TBC1D19: variants seen among roughly 807,000 people sequenced by gnomAD.
TBC1D19 encodes TBC1 domain family member 19, also known as TBC1 domain family, member 19.
In TBC1D19, 60 loss-of-function variants were observed where a neutral mutation model predicts 89.0. The observed-to-expected ratio is 0.67, with a 90% CI of 0.55 to 0.84. TBC1D19 has a LOEUF of 0.84. Ranked by LOEUF, TBC1D19 falls within the 40% of genes least tolerant of loss-of-function variation. TBC1D19 has a pLI of 0.00. For missense variants in TBC1D19, 500 were observed against 610.8 expected, an observed-to-expected ratio of 0.82 and a Z score of 1.91; for synonymous variants, 189 against 199.7, an observed-to-expected ratio of 0.95 and a Z score of 0.45.
chr4:26,719,137 A>C (rs980614947), intron 14 of TBC1D19, among the ~76,000 whole-genome samples: 1 of 152,122 alleles, frequency 6.6e-6, no homozygotes, highest in African/African-American at 2.4e-5. Context: ...TTCATGGTTT[A>C]GTCTGGACTA....
chr4:26,807,625 C>T, the TBC1D19 span, among the ~76,000 whole-genome samples: 1 of 152,298 alleles, frequency 6.6e-6, no homozygotes, highest in Non-Finnish European at 1.5e-5. Context: ...TTGGCGAGTT[C>T]ATCTCTCCCA....
At chr4:26,751,295 T>C (rs1293342631) in intron 19 of TBC1D19, among the ~76,000 whole-genome samples, 1 of 152,184 alleles carries the variant, frequency 6.6e-6, no homozygotes, top group Non-Finnish European at 1.5e-5. Context: ...GGAGAAACAG[T>C]TTCCCACTGT....
At chr4:26,713,352 G>C (rs1469702151) in intron 13 of TBC1D19, among the ~76,000 whole-genome samples, 2 of 151,756 alleles carry the variant, frequency 1.3e-5, no homozygotes, top group African/African-American at 2.4e-5. Context: ...TTATACACTA[G>C]AAATCAAGTA....
chr4:26,746,042 A>G (rs1718628315), intron 18 of TBC1D19, among the ~76,000 whole-genome samples: 1 of 152,100 alleles, frequency 6.6e-6, no homozygotes, highest in Non-Finnish European at 1.5e-5. Context: ...TGAATTTATA[A>G]GTTTATGTCT....
chr4:26,780,889 A>T, the TBC1D19 span, among the ~76,000 whole-genome samples: 1 of 152,252 alleles, frequency 6.6e-6, no homozygotes, highest in Non-Finnish European at 1.5e-5. Context: ...GAAGTTCCTG[A>T]TGTGTGGAGA....
chr4:26,837,328 T>C, the TBC1D19 span, among the ~76,000 whole-genome samples: 2 of 151,998 alleles, frequency 1.3e-5, no homozygotes, highest in Non-Finnish European at 2.9e-5. Flanking sequence ...GTGAGTGTGA[T>C]GAGTTGGAAA....
the TBC1D19 span, among the ~76,000 whole-genome samples, chr4:26,811,649 T>C: frequency 2.0e-5 from 3 of 152,234 alleles, no homozygotes; most frequent in African/African-American, 7.2e-5. Flanking sequence ...GGCTACTCCA[T>C]AGGCAGAGCA....
intron 14 of TBC1D19, among the ~76,000 whole-genome samples, chr4:26,718,422 C>T (rs1343235972): frequency 2.0e-5 from 3 of 151,984 alleles, no homozygotes; most frequent in African/African-American, 7.2e-5. Context: ...TTTTAGCTCT[C>T]CAATGTCTAG....
Position 26,673,844 on chromosome 4 carries a change from G to C in TBC1D19, c.772G>C (p.Ala258Pro). ...ACAAGGAAGTCCCACGGCACTGAGA[G>C]CTGAATTGTGGGCTCTCATTTTGAA... ...IRQGSPTALR[A>P]ELWALILNIS... The change falls in exon 11 of 21, where the codon GCT becomes CCT. Residue 258 changes from alanine to proline, a missense_variant. By Grantham distance (27) the Ala-to-Pro change is conservative. This residue lies in a region of TBC1D19 where 220 missense variants were observed against 319.1 expected (regional missense o/e 0.69). Transcript: ENST00000264866. 1.2e-6 allele frequency: 2 copies of C among 1,609,486 alleles called. No individual in the cohort carries two copies. Among genetic ancestry groups the C allele is most frequent in the Non-Finnish European group, 1.7e-6 (2 of 1,177,216 alleles).
At chr4:26,592,160 C>CACTTATCCCA (rs1353592578) in intron 1 of TBC1D19, among the ~76,000 whole-genome samples, 1 of 152,162 alleles carries the variant, frequency 6.6e-6, no homozygotes, top group African/African-American at 2.4e-5. Context: ...GGCTTCATCC[C>CACTTATCCCA]TGGGATGCAA....
At chr4:26,829,977 C>T in the TBC1D19 span, among the ~76,000 whole-genome samples, 1 of 152,172 alleles carries the variant, frequency 6.6e-6, no homozygotes, top group East Asian at 1.9e-4. Context: ...TGCACCCCTT[C>T]CATGCCTATA....
At chr4:26,608,557 G>A (rs1289390359) in intron 1 of TBC1D19, among the ~76,000 whole-genome samples, 3 of 152,086 alleles carry the variant, frequency 2.0e-5, no homozygotes, top group African/African-American at 7.2e-5. Flanking sequence ...ATTAGTTTGG[G>A]TGCAAAGTAT....
chr4:26,822,498 A>G, the TBC1D19 span, among the ~76,000 whole-genome samples: 1 of 152,186 alleles, frequency 6.6e-6, no homozygotes, highest in African/African-American at 2.4e-5. Flanking sequence ...ATGTTTCCCT[A>G]AATAAAGTTC....
chr4:26,674,632 A>G (rs1456275722), intron 11 of TBC1D19, among the ~76,000 whole-genome samples: 1 of 152,068 alleles, frequency 6.6e-6, no homozygotes, highest in Non-Finnish European at 1.5e-5. Flanking sequence ...TACTAGAAAT[A>G]TATCATTGAG....
intron 7 of TBC1D19, among the ~76,000 whole-genome samples, chr4:26,652,028 T>C (rs575136631): frequency 1.3e-5 from 2 of 152,300 alleles, no homozygotes; most frequent in East Asian, 3.9e-4. Flanking sequence ...TTGATTTGCA[T>C]GTGTTTAACC....
chr4:26,754,802 T>C (rs1019813102), intron 20 of TBC1D19, 71 bp from the exon 21 acceptor site: 2 of 1,222,770 alleles, frequency 1.6e-6, no homozygotes, highest in Non-Finnish European at 2.3e-6. Context: ...CAAAATTACA[T>C]TGTAATTATG....
the TBC1D19 span, among the ~76,000 whole-genome samples, chr4:26,779,893 G>T: frequency 6.6e-6 from 1 of 152,188 alleles, no homozygotes; most frequent in Admixed American, 6.5e-5. Flanking sequence ...GTCGAGTGTG[G>T]TGGCAGGTCC....
chr4:26,839,136 G>A, the TBC1D19 span, among the ~76,000 whole-genome samples: 1 of 152,090 alleles, frequency 6.6e-6, no homozygotes, highest in Non-Finnish European at 1.5e-5. Flanking sequence ...AGTTTCCTGG[G>A]TTTTCAGAAT....
the TBC1D19 span, among the ~76,000 whole-genome samples, chr4:26,812,688 C>T: frequency 4.6e-5 from 7 of 151,922 alleles, no homozygotes; most frequent in African/African-American, 1.5e-4. This position sits in a 1 kb window ranked among gnomAD's most constrained non-coding sequence, Gnocchi z 4.2. Context: ...AATTGCCATC[C>T]TCTTTTATCT....
Sources: allele counts gnomAD v4.1 joint callset (sites outside exome capture counted in the v4.1 genomes callset), GRCh38; gene constraint gnomAD v4.1.1; regional missense constraint gnomAD v4.1.1; non-coding constraint Gnocchi (gnomAD v3.1); transcripts MANE v1.5; gene names NCBI Gene and HGNC (gene_info 2026-07-23, HGNC 2026-07-21).